Variants in RASGRF2 observed in about 807,000 individuals in gnomAD.
RASGRF2 encodes Ras protein specific guanine nucleotide releasing factor 2.
In RASGRF2, 76 loss-of-function variants were observed where a neutral mutation model predicts 151.0. The ratio of observed to expected loss-of-function variants is 0.50; its 90% CI spans 0.42 to 0.61. The LOEUF (loss-of-function observed/expected upper bound fraction) is 0.61, where lower values mean the gene tolerates loss of function less well. RASGRF2 is among the 20% of genes least tolerant of loss of function. The pLI is 0.00. For missense variants in RASGRF2, 1,148 were observed against 1,564.6 expected, an observed-to-expected ratio of 0.73 and a Z score of 4.49; for synonymous variants, 504 against 566.5, an observed-to-expected ratio of 0.89 and a Z score of 1.57.
At chr5:81,096,888 G>T (rs1752563559) in intron 12 of RASGRF2, among the ~76,000 whole-genome samples, 2 of 151,820 alleles carry the variant, frequency 1.3e-5, no homozygotes, top group South Asian at 2.1e-4. Context: ...AAAAAAAATT[G>T]TACTAGATTA....
At position 81,042,844 on chromosome 5, in the gene RASGRF2, A is replaced by G. The variant is rs192114491; in HGVS notation, c.289-33A>G. On this transcript the variant is annotated intron_variant, in intron 1 of 26. Coordinates refer to ENST00000265080, the MANE Select transcript of RASGRF2 (RefSeq NM_006909.3). ...TTATGCTGTTGTGCTTGAAAAATAG[A>G]ACTAAGTTTTTTGTGTTTCTTTTTC... 2.7e-6 allele frequency: 4 copies of G among 1,479,584 alleles called. No homozygotes were observed. In the South Asian group the frequency reaches 4.8e-5, roughly 18 times the overall value. The allele number at this position is 1,479,584 out of a possible 1,614,324, so 91.7% of individuals were successfully genotyped here.
chr5:81,065,335 G>A (rs983514322), intron 2 of RASGRF2, among the ~76,000 whole-genome samples: 1 of 152,214 alleles, frequency 6.6e-6, no homozygotes, highest in Non-Finnish European at 1.5e-5. Context: ...AATGAATACA[G>A]TGTATTTTAT....
intron 25 of RASGRF2, 64 bp downstream of exon 25, chr5:81,217,537 G>A: frequency 2.0e-6 from 1 of 511,722 alleles, no homozygotes; most frequent in Non-Finnish European, 3.0e-6. Context: ...AAGAGGCTAA[G>A]TAATAAAAGT....
rs569052217 is a variant in RASGRF2, at chr5:81,025,914, T to G, written c.289-16963T>G. 8.5e-5 allele frequency among the ~76,000 whole-genome samples: 13 copies of G among 152,238 alleles called. No individual in the cohort carries two copies. The East Asian group carries it at 2.1e-3, about 25-fold the overall frequency. On this transcript the variant is annotated intron_variant, in intron 1 of 26. Transcript: ENST00000265080. ...TGGTAACCTGTTTGTATGTTTTATT[T>G]TTTTGCACGATTAAACAAACTCCCT... is the stretch of plus-strand genomic sequence containing the variant.
intron 18 of RASGRF2, among the ~76,000 whole-genome samples, chr5:81,195,863 T>C (rs147877133): frequency 1.8e-4 from 28 of 152,314 alleles, no homozygotes; most frequent in African/African-American, 6.5e-4. Flanking sequence ...TCTCAGCCCA[T>C]GTGATCACCT....
intron 1 of RASGRF2, among the ~76,000 whole-genome samples, chr5:81,022,333 C>T (rs906391183): frequency 6.6e-6 from 1 of 152,152 alleles, no homozygotes; most frequent in African/African-American, 2.4e-5. Flanking sequence ...AGCGTCCATC[C>T]CACGGAGATG....
chr5:80,975,638 A>AT (rs1326066549), intron 1 of RASGRF2, among the ~76,000 whole-genome samples: 16 of 152,284 alleles, frequency 1.1e-4, no homozygotes, highest in Middle Eastern at 6.8e-3. Flanking sequence ...GAAAAATATC[A>AT]TTTTGTAGTC....
intron 17 of RASGRF2, among the ~76,000 whole-genome samples, chr5:81,145,336 T>C (rs1197038202): frequency 6.6e-6 from 1 of 152,114 alleles, no homozygotes. Flanking sequence ...AACCTTGTTA[T>C]TTGGGTTTCT....
intron 17 of RASGRF2, among the ~76,000 whole-genome samples, chr5:81,145,780 G>A (rs991923218): frequency 6.6e-6 from 1 of 152,194 alleles, no homozygotes. Context: ...GCATGGCCCT[G>A]AGCCCGATCC....
intron 12 of RASGRF2, among the ~76,000 whole-genome samples, chr5:81,096,666 C>G (rs1752556250): frequency 6.6e-6 from 1 of 152,076 alleles, no homozygotes; most frequent in African/African-American, 2.4e-5. Context: ...TTTAGCATGA[C>G]TGGGGAGACA....
intron 1 of RASGRF2, among the ~76,000 whole-genome samples, chr5:80,994,200 AT>A (rs1158966014): frequency 6.6e-6 from 1 of 151,570 alleles, no homozygotes; most frequent in Non-Finnish European, 1.5e-5. Flanking sequence ...CCCGTCTCTA[AT>A]AAAAATACAA....
chr5:81,035,409 C>A (rs9764993), intron 1 of RASGRF2, among the ~76,000 whole-genome samples: 1 of 151,932 alleles, frequency 6.6e-6, no homozygotes, highest in African/African-American at 2.4e-5. Flanking sequence ...GGGAATTGAA[C>A]GATGAGAACA....
chr5:81,071,405 C>T (rs1258677961), intron 4 of RASGRF2, among the ~76,000 whole-genome samples: 4 of 152,216 alleles, frequency 2.6e-5, no homozygotes, highest in Non-Finnish European at 5.9e-5. Flanking sequence ...TTGGCTAAAA[C>T]ACACAGGCCA....
intron 18 of RASGRF2, among the ~76,000 whole-genome samples, chr5:81,185,686 T>G (rs1233110392): frequency 5.9e-5 from 9 of 152,142 alleles, no homozygotes; most frequent in Admixed American, 2.0e-4. Context: ...TGCTTTCCCC[T>G]GGACCTGAGG....
intron 1 of RASGRF2, among the ~76,000 whole-genome samples, chr5:80,995,687 C>CCCCA (rs1748825678): frequency 8.1e-6 from 1 of 123,720 alleles, no homozygotes; most frequent in Non-Finnish European, 1.7e-5. Context: ...CTTTCCTTCC[C>CCCCA]CCCCCCTTTT....
chr5:81,089,843 A>G (rs1752340307), intron 9 of RASGRF2, among the ~76,000 whole-genome samples: 2 of 152,246 alleles, frequency 1.3e-5, no homozygotes, highest in African/African-American at 4.8e-5. Context: ...AAAAGCACCT[A>G]GACTAGTACC....
intron 5 of RASGRF2, among the ~76,000 whole-genome samples, chr5:81,079,127 C>G (rs1752017299): frequency 6.6e-6 from 1 of 152,166 alleles, no homozygotes; most frequent in Admixed American, 6.5e-5. Flanking sequence ...GAATTTACAT[C>G]CAGAACCATA....
chr5:80,973,110 A>T (rs147677162), intron 1 of RASGRF2, among the ~76,000 whole-genome samples: 1 of 152,152 alleles, frequency 6.6e-6, no homozygotes, highest in East Asian at 1.9e-4. Flanking sequence ...ATGAATGGAG[A>T]TGAGGACAAC....
intron 1 of RASGRF2, among the ~76,000 whole-genome samples, chr5:80,993,997 G>A (rs966714818): frequency 2.0e-5 from 3 of 152,022 alleles, no homozygotes; most frequent in Non-Finnish European, 4.4e-5. Flanking sequence ...CTAAACAAAT[G>A]CTTTGAGTCT....
Sources: allele counts gnomAD v4.1 joint callset (sites outside exome capture counted in the v4.1 genomes callset), GRCh38; gene constraint gnomAD v4.1.1; transcripts MANE v1.5; gene names NCBI Gene and HGNC (gene_info 2026-07-23, HGNC 2026-07-21).